ASCC3: variants seen among roughly 807,000 people sequenced by gnomAD.
ASCC3 encodes activating signal cointegrator 1 complex subunit 3, also known as ASC-1 complex subunit P200.
A neutral mutation model predicts 256.3 loss-of-function variants in ASCC3; 158 were observed. That is an observed-to-expected ratio of 0.62 (90% CI 0.54 to 0.70). The LOEUF is 0.70. Ranked by LOEUF, ASCC3 falls within the 30% of genes least tolerant of loss-of-function variation. ASCC3 has a pLI of 0.00. For missense variants in ASCC3, 2,259 were observed against 2,626.0 expected (o/e 0.86, Z 3.05); for synonymous variants, 948 against 883.4 (o/e 1.07, Z -1.30).
intron 4 of ASCC3, among the ~76,000 whole-genome samples, chr6:100,813,750 G>T (rs1416470963): frequency 6.6e-6 from 1 of 151,894 alleles, no homozygotes; most frequent in Non-Finnish European, 1.5e-5. Flanking sequence ...AACAGTCGGA[G>T]GGTGCAATAT....
Position 100,512,789 on chromosome 6 carries a change from T to C in ASCC3, c.6205A>G (p.Asn2069Asp), listed in dbSNP as rs1185999653. 6.2e-7 allele frequency: 1 copy of C among 1,614,150 alleles called. No individual in the cohort carries two copies. The highest frequency in any genetic ancestry group is 1.1e-5 in the South Asian group (1 of 91,086). Reference sequence around the variant, plus strand: ...TCAGCATGCAATTTGATCCATTTGTTGTCATCTCGTTTGTCTGCAGTCAGA... The same window carrying C: ...TCAGCATGCAATTTGATCCATTTGTCGTCATCTCGTTTGTCTGCAGTCAGA... The part of the protein sequence containing the change: ...STLTADKRDD[N>D]KWIKLHADQE... Residue 2069 changes from asparagine (N) to aspartate (D), a missense_variant, in exon 40 of 42, where the codon AAC becomes GAC. By Grantham distance (23) the Asn-to-Asp change is conservative. Transcript: ENST00000369162.
At chr6:100,873,579 G>A (rs1484983209) in intron 1 of ASCC3, among the ~76,000 whole-genome samples, 1 of 152,104 alleles carries the variant, frequency 6.6e-6, no homozygotes, top group Non-Finnish European at 1.5e-5. Context: ...CTGTCATCAG[G>A]TTATCTAAAG....
intron 36 of ASCC3, among the ~76,000 whole-genome samples, chr6:100,589,123 G>T (rs1399076490): frequency 1.3e-5 from 2 of 152,060 alleles, no homozygotes; most frequent in Admixed American, 1.3e-4. Flanking sequence ...ACACAGTATA[G>T]TTTTTTACCA....
chr6:100,690,220 T>C (rs2114982887), intron 13 of ASCC3, among the ~76,000 whole-genome samples: 1 of 152,262 alleles, frequency 6.6e-6, no homozygotes, highest in African/African-American at 2.4e-5. Flanking sequence ...GTAAATGCTT[T>C]GTAGATTGTT....
intron 8 of ASCC3, among the ~76,000 whole-genome samples, chr6:100,786,623 C>T (rs1048605932): frequency 2.0e-5 from 3 of 151,942 alleles, no homozygotes; most frequent in African/African-American, 7.3e-5. Flanking sequence ...AAATATCAGC[C>T]AAGAAACTAA....
intron 36 of ASCC3, among the ~76,000 whole-genome samples, chr6:100,555,411 TAGGACA>T (rs1375605653): frequency 1.3e-5 from 2 of 152,134 alleles, no homozygotes; most frequent in Non-Finnish European, 2.9e-5. Context: ...CTCAACCAAT[TAGGACA>T]AGCACATAAG....
chr6:100,687,030 T>TCACACACACACACA (rs1164501730), intron 13 of ASCC3, among the ~76,000 whole-genome samples: 6,205 of 128,314 alleles, frequency 0.048, 197 homozygotes, highest in Non-Finnish European at 0.067. Flanking sequence ...TCTCTCTCTC[T>TCACACACACACACA]CTCTCACACA....
intron 14 of ASCC3, among the ~76,000 whole-genome samples, chr6:100,676,459 T>G (rs904722079): frequency 6.6e-6 from 1 of 152,220 alleles, no homozygotes; most frequent in Non-Finnish European, 1.5e-5. Context: ...GCATCATTTG[T>G]ACATCCTGAG....
chr6:100,786,734 G>T (rs2114283326), intron 8 of ASCC3, among the ~76,000 whole-genome samples: 1 of 152,200 alleles, frequency 6.6e-6, no homozygotes, highest in East Asian at 1.9e-4. Flanking sequence ...TCAGAAGTTA[G>T]ATCCTACAAT....
intron 37 of ASCC3, among the ~76,000 whole-genome samples, chr6:100,532,106 T>C (rs1774906337): frequency 6.6e-6 from 1 of 151,572 alleles, no homozygotes; most frequent in African/African-American, 2.4e-5. Context: ...TCAATCTTTA[T>C]AATATAGGTA....
intron 24 of ASCC3, among the ~76,000 whole-genome samples, chr6:100,641,763 C>A (rs1258256177): frequency 6.6e-6 from 1 of 152,036 alleles, no homozygotes; most frequent in Non-Finnish European, 1.5e-5. Flanking sequence ...TGGAACCAAC[C>A]CAAATGTCCA....
chr6:100,581,278 C>T (rs1398423838), intron 36 of ASCC3, among the ~76,000 whole-genome samples: 2 of 152,248 alleles, frequency 1.3e-5, no homozygotes, highest in East Asian at 3.9e-4. Flanking sequence ...GCCATTCTAA[C>T]TGGTGTGAGA....
At chr6:100,693,747 A>G (rs1049171880) in intron 13 of ASCC3, among the ~76,000 whole-genome samples, 12 of 152,212 alleles carry the variant, frequency 7.9e-5, no homozygotes, top group African/African-American at 2.9e-4. Context: ...CAGAACAGAA[A>G]TTATTAATCT....
chr6:100,767,367 C>T (rs768231544), intron 8 of ASCC3, 22 bp from the exon 9 acceptor site: 267 of 1,602,774 alleles, frequency 1.7e-4, no homozygotes, highest in Non-Finnish European at 2.1e-4. Context: ...AGGCATCACC[C>T]ATTATAAATA....
At chr6:100,597,272 C>A (rs746094532) in intron 34 of ASCC3, among the ~76,000 whole-genome samples, 9 of 151,986 alleles carry the variant, frequency 5.9e-5, no homozygotes, top group Non-Finnish European at 8.8e-5. Context: ...AACATGAGTG[C>A]CAAGATAGCA....
intron 8 of ASCC3, among the ~76,000 whole-genome samples, chr6:100,785,839 A>G (rs972724324): frequency 6.6e-5 from 10 of 152,230 alleles, no homozygotes; most frequent in Non-Finnish European, 1.2e-4. Flanking sequence ...GATGGACCTT[A>G]GAAATATACT....
intron 33 of ASCC3, among the ~76,000 whole-genome samples, chr6:100,603,067 T>C (rs1039997690): frequency 6.6e-6 from 1 of 151,998 alleles, no homozygotes; most frequent in Non-Finnish European, 1.5e-5. Flanking sequence ...TATGATCTGC[T>C]AGAGAAACAT....
chr6:100,622,564 T>A (rs1774012953), intron 30 of ASCC3, among the ~76,000 whole-genome samples: 1 of 152,000 alleles, frequency 6.6e-6, no homozygotes, highest in Admixed American at 6.6e-5. Flanking sequence ...GAAAACAGAC[T>A]AATACACCTA....
intron 14 of ASCC3, 79 bp from the exon 15 acceptor site, chr6:100,662,615 T>A: frequency 7.6e-7 from 1 of 1,324,362 alleles, no homozygotes; most frequent in Non-Finnish European, 1.1e-6. Flanking sequence ...TATGAGTTCA[T>A]CAAAGAAATC....
Sources: allele counts gnomAD v4.1 joint callset (sites outside exome capture counted in the v4.1 genomes callset), GRCh38; gene constraint gnomAD v4.1.1; transcripts MANE v1.5; gene names NCBI Gene and HGNC (gene_info 2026-07-23, HGNC 2026-07-21).